The following EFCAB8 variants were observed in gnomAD, a reference collection of about 807,000 sequenced individuals.
EFCAB8 encodes EF-hand calcium binding domain 8.
EFCAB8 carries 100 observed loss-of-function variants against 116.3 expected under a neutral mutation model. The observed-to-expected ratio is 0.86, with a 90% CI of 0.73 to 1.02. The LOEUF is 1.02. EFCAB8 is among the 50% of genes least tolerant of loss of function. The probability of loss-of-function intolerance (pLI) is 0.00; values close to 1 mark genes in which losing one functional copy is unlikely to be tolerated. For missense variants in EFCAB8, 1,320 were observed against 1,416.9 expected (o/e 0.93, Z 1.10); for synonymous variants, 558 against 567.9 (o/e 0.98, Z 0.25).
chr20:32,910,569 A>G (rs1288109951), intron 15 of EFCAB8, among the ~76,000 whole-genome samples: 1 of 151,986 alleles, frequency 6.6e-6, no homozygotes. Context: ...ACAAGGCTGG[A>G]GCTCACCATT....
chr20:32,860,493 C>CTTTTTTTTTTTTT (rs71190881), intron 1 of EFCAB8, among the ~76,000 whole-genome samples: 1 of 84,004 alleles, frequency 1.2e-5, no homozygotes, highest in African/African-American at 7.8e-5. Context: ...ATGGTGGTAA[C>CTTTTTTTTTTTTT]TTTTTTTTTT....
chr20:32,889,199 C>A, intron 6 of EFCAB8, 102 bp from the exon 7 acceptor site: 3 of 960,284 alleles, frequency 3.1e-6, no homozygotes, highest in South Asian at 3.1e-5. Flanking sequence ...CATGCCAGGT[C>A]TGTGGTGGCT....
At position 32,926,955 on chromosome 20, in the gene EFCAB8, A is replaced by G. The variant is rs886263526; in HGVS notation, c.2413-3443A>G. On this transcript the variant is annotated intron_variant, in intron 20 of 26. Coordinates refer to ENST00000400522, the MANE Select transcript of EFCAB8 (RefSeq NM_001143967.2). The stretch of plus-strand genomic sequence containing the variant: ...TTCCAAGTCTTTGCTATTGTGAATA[A>G]TGCCGCAATAAACATACGTGTGCAT... Among the ~76,000 whole-genome samples the G allele has an allele frequency of 2.0e-4, 30 of 151,332 alleles. 1 individual carries two copies. The highest frequency in any genetic ancestry group is 7.0e-4 in the African/African-American group (29 of 41,170).
At chr20:32,916,497 G>A (rs909799840) in intron 17 of EFCAB8, among the ~76,000 whole-genome samples, 3 of 151,770 alleles carry the variant, frequency 2.0e-5, no homozygotes, top group Non-Finnish European at 4.4e-5. Context: ...GGCCTCAAAC[G>A]ATTTTCCTTC....
rs142575550 is a variant in EFCAB8 at position 32,942,490 on chromosome 20, C to T, written c.2791-1146C>T. Among the ~76,000 whole-genome samples, 7 of 151,512 alleles carry T rather than the reference C, an allele frequency of 4.6e-5. No homozygotes were observed. The East Asian group carries it at 1.4e-3, about 29-fold the overall frequency. Reference sequence around the variant, plus strand: ...TTGCTTGAGCCTAACAGTTCGAGACCAGCCTGGGCAACATAGTGAGACCCC... The same window carrying T: ...TTGCTTGAGCCTAACAGTTCGAGACTAGCCTGGGCAACATAGTGAGACCCC... On this transcript the variant is annotated intron_variant, in intron 22 of 26. Transcript: ENST00000400522.
At position 32,892,289 on chromosome 20, in the gene EFCAB8, G is replaced by C. The variant is rs1372541116; in HGVS notation, c.750G>C (p.Met250Ile). The C allele has an allele frequency of 6.4e-7, 1 of 1,551,546 alleles. No homozygotes were observed. The highest frequency in any genetic ancestry group is 8.7e-7 in the Non-Finnish European group (1 of 1,146,972). Residue 250 changes from methionine to isoleucine, a missense_variant, in exon 8 of 27, where the codon ATG becomes ATC. Physicochemically the swap from Met to Ile is conservative, Grantham distance 10. Transcript: ENST00000400522. ...ATCTGGACAGCTGTGCTCTGGTCAT[G>C]GACTACTGGTGAGTCTCCACTGGGT... The part of the protein sequence containing the change: ...FVDLDSCALV[M>I]DYWSDYHRGV...
At position 32,909,916 on chromosome 20, in the gene EFCAB8, C is replaced by T; in HGVS notation, c.1542C>T (p.Ser514=). ...CACCCCTGTGTGCTGTCCTCTACAGCAAGATCTTTAAGCAGGTGAGTGGCC... is the reference window on the plus strand; with the variant it reads ...CACCCCTGTGTGCTGTCCTCTACAGTAAGATCTTTAAGCAGGTGAGTGGCC... ...HCSPLCAVLY[S]KIFKQVVSGC... Residue 514 remains serine (S), a synonymous_variant, in exon 15 of 27, where the codon AGC becomes AGT. Transcript: ENST00000400522. 8.0e-7 allele frequency: 1 copy of T among 1,249,654 alleles called. No homozygotes were observed. The highest frequency in any genetic ancestry group is 1.0e-6 in the Non-Finnish European group (1 of 988,142). The allele number at this position is 1,249,654 out of a possible 1,614,324, so 77.4% of individuals were successfully genotyped here.
chr20:32,889,315 G>A lies in EFCAB8; in HGVS notation c.582G>A (p.Gln194=). 1.9e-6 allele frequency: 3 copies of A among 1,551,662 alleles called. No homozygotes were observed. Among genetic ancestry groups the A allele is most frequent in the Non-Finnish European group, 2.6e-6 (3 of 1,146,986 alleles). The change falls in exon 7 of 27, where the codon CAG becomes CAA. Residue 194 remains glutamine (Q), a synonymous_variant. Coordinates refer to ENST00000400522, the MANE Select transcript of EFCAB8 (RefSeq NM_001143967.2). The stretch of plus-strand genomic sequence containing the variant: ...CCTCTGGCCAGCTTAACCAGACCCA[G>A]CAGCTCTACAACCAGCCGATGTGGG... ...LMSSFRLNQT[Q]QLYNQPMWVI...
At chr20:32,951,293 A>G (rs1163754035) in intron 23 of EFCAB8, among the ~76,000 whole-genome samples, 6 of 152,360 alleles carry the variant, frequency 3.9e-5, no homozygotes, top group African/African-American at 1.4e-4. Flanking sequence ...ATGTCCATCA[A>G]TAGTTGAGTT....
chr20:32,886,876 C>T (rs1174965057), intron 6 of EFCAB8, among the ~76,000 whole-genome samples: 2 of 152,134 alleles, frequency 1.3e-5, no homozygotes, highest in African/African-American at 2.4e-5. Context: ...AAGTTTGAGG[C>T]GGGGCCTGAG....
At chr20:32,931,673 G>T (rs35572889) in intron 22 of EFCAB8, among the ~76,000 whole-genome samples, 19,264 of 152,068 alleles carry the variant, frequency 0.13, 1,652 homozygotes, top group Non-Finnish European at 0.17. Context: ...CAGGAGAATC[G>T]CTTGAACCTA....
At chr20:32,887,176 C>A (rs1264747619) in intron 6 of EFCAB8, among the ~76,000 whole-genome samples, 1 of 152,222 alleles carries the variant, frequency 6.6e-6, no homozygotes, top group Admixed American at 6.5e-5. Flanking sequence ...TCTGATTATC[C>A]ATCTAGAGGA....
rs975079976 is a variant in EFCAB8 at position 32,961,784 on chromosome 20, C to T, written c.*175C>T. 3.3e-5 allele frequency among the ~76,000 whole-genome samples: 5 copies of T among 152,250 alleles called. No individual in the cohort carries two copies. Among genetic ancestry groups the T allele is most frequent in the Non-Finnish European group, 1.5e-5 (1 of 68,046 alleles). ...CCTAATCTTGTCTTCTCTCTGGCCC[C>T]GCACAGAGCCCTGGGGCAGAAAATA... On this transcript the variant is annotated 3_prime_UTR_variant, in exon 27 of 27. Coordinates refer to ENST00000400522, the MANE Select transcript of EFCAB8 (RefSeq NM_001143967.2).
intron 9 of EFCAB8, among the ~76,000 whole-genome samples, chr20:32,894,979 A>G (rs1376541171): frequency 2.0e-5 from 3 of 152,200 alleles, no homozygotes; most frequent in African/African-American, 7.2e-5. Flanking sequence ...CCCTTGCAAG[A>G]TGGGGCTGGT....
rs1376610567 is a variant in EFCAB8, at chr20:32,927,130, G to T, written c.2413-3268G>T. ...ATTATAAAAAATTAGGTACAAAAGT[G>T]AATATTTATTTAGAATGAGAAAAAA... On this transcript the variant is annotated intron_variant, in intron 20 of 26. Coordinates refer to ENST00000400522, the MANE Select transcript of EFCAB8 (RefSeq NM_001143967.2). Among the ~76,000 whole-genome samples the T allele has an allele frequency of 2.0e-5, 3 of 152,056 alleles. No homozygotes were observed. The East Asian group carries it at 5.8e-4, about 29-fold the overall frequency.
At chr20:32,909,564 A>G (rs1986824169) in intron 14 of EFCAB8, among the ~76,000 whole-genome samples, 1 of 151,600 alleles carries the variant, frequency 6.6e-6, no homozygotes, top group Admixed American at 6.6e-5. Flanking sequence ...TATAAGGTGA[A>G]AGGGACCTTG....
chr20:32,858,953 CACTTTGCCAG>C lies in EFCAB8; in HGVS notation c.-53_-44del, dbSNP rs1568891054. 3 of 470,830 alleles carry C rather than the reference CACTTTGCCAG, an allele frequency of 6.4e-6. No individual in the cohort carries two copies. The highest frequency in any genetic ancestry group is 8.8e-6 in the Non-Finnish European group (2 of 226,960). The allele number at this position is 470,830 out of a possible 1,614,324, so 29.2% of individuals were successfully genotyped here. A position where few individuals can be genotyped will look rare whatever the true frequency, so the allele number is the denominator to read the frequency against. On this transcript the variant is annotated 5_prime_UTR_variant, in exon 1 of 27. Transcript: ENST00000400522. ...TGAGATGGGAGTTGGAAAGTGTTAG[CACTTTGCCAG>C]ACTTTGCCAGCAAGATTAACTGAGG...
chr20:32,902,034 G>A (rs1422271883), intron 11 of EFCAB8, among the ~76,000 whole-genome samples: 1 of 152,158 alleles, frequency 6.6e-6, no homozygotes, highest in East Asian at 1.9e-4. Flanking sequence ...ATTATAAAAT[G>A]TTTCAAACAC....
chr20:32,943,996 C>T (rs1988497254), intron 23 of EFCAB8, among the ~76,000 whole-genome samples, 192 bp downstream of exon 23: 1 of 152,170 alleles, frequency 6.6e-6, no homozygotes, highest in Non-Finnish European at 1.5e-5. Context: ...CACCCATCCA[C>T]CCAATATTAT....
Sources: allele counts gnomAD v4.1 joint callset (sites outside exome capture counted in the v4.1 genomes callset), GRCh38; gene constraint gnomAD v4.1.1; transcripts MANE v1.5; gene names NCBI Gene and HGNC (gene_info 2026-07-23, HGNC 2026-07-21).